The following EIF4E3 variants were observed in gnomAD, a reference collection of about 807,000 sequenced individuals.
EIF4E3 encodes the protein eukaryotic translation initiation factor 4E type 3.
EIF4E3 carries 26 observed loss-of-function variants against 31.7 expected under a neutral mutation model. The observed-to-expected ratio is 0.82, with a 90% CI of 0.60 to 1.14. The LOEUF (loss-of-function observed/expected upper bound fraction) is 1.14, where lower values mean the gene tolerates loss of function less well. Among genes scored for constraint, EIF4E3 ranks in the 50% most tolerant of loss-of-function variants. EIF4E3 has a pLI of 0.00. For synonymous variants in EIF4E3, 128 were observed against 107.7 expected (o/e 1.19, Z -1.17); for missense variants, 304 against 270.9 (o/e 1.12, Z -0.86).
intron 1 of EIF4E3, among the ~76,000 whole-genome samples, chr3:71,714,026 A>C (rs35897230): frequency 0.095 from 14,434 of 151,904 alleles, 724 homozygotes; most frequent in African/African-American, 0.11. Flanking sequence ...GCCTGGCCAA[A>C]ATGATGAAAT....
rs2049097511 is a variant in EIF4E3, at chr3:71,693,903, C to G, written c.444G>C (p.Gly148=). ...CTGCGGCACAGTCTGTGAACTGTTC[C>G]CCGATGGTTGCTAACAGCAACTCTT... ...VWKELLLATI[G]EQFTDCAAAD... Residue 148 remains glycine (G), a synonymous_variant, in exon 5 of 7, where the codon GGG becomes GGC. Transcript: ENST00000425534. The G allele has an allele frequency of 1.0e-5, 16 of 1,585,532 alleles. No individual in the cohort carries two copies. Among genetic ancestry groups the G allele is most frequent in the Non-Finnish European group, 1.3e-5 (15 of 1,165,710 alleles).
intron 1 of EIF4E3, among the ~76,000 whole-genome samples, chr3:71,713,594 A>G (rs1343366047): frequency 6.6e-6 from 1 of 151,978 alleles, no homozygotes; most frequent in East Asian, 1.9e-4. Context: ...ATGTCACCAC[A>G]GCCAGCTAAT....
At chr3:71,692,970 C>G (rs973710405) in intron 5 of EIF4E3, among the ~76,000 whole-genome samples, 3 of 152,150 alleles carry the variant, frequency 2.0e-5, no homozygotes, top group Non-Finnish European at 4.4e-5. Flanking sequence ...GAACTGCTCA[C>G]GAGATGAATC....
chr3:71,696,352 T>G, intron 4 of EIF4E3, 108 bp downstream of exon 4: 1 of 1,182,736 alleles, frequency 8.5e-7, no homozygotes, highest in Non-Finnish European at 1.2e-6. Context: ...CCAGCCTGTT[T>G]GGGGACTGCC....
chr3:71,699,729 CT>C (rs781443257), intron 2 of EIF4E3, 21 bp from the exon 3 acceptor site: 1 of 1,572,656 alleles, frequency 6.4e-7, no homozygotes, highest in East Asian at 2.2e-5. Flanking sequence ...AAAACAAACA[CT>C]TTGTTTAATA....
upstream of EIF4E3, chr3:71,754,337 G>A (rs1279450496): frequency 7.9e-7 from 1 of 1,273,336 alleles, no homozygotes; most frequent in Admixed American, 2.9e-5. The surrounding 1 kb of genome is among the most constrained non-coding windows in gnomAD (Gnocchi z 5.8). Context: ...TGGGCTGCAA[G>A]CTGCTCGCCT....
upstream of EIF4E3, among the ~76,000 whole-genome samples, chr3:71,729,842 T>TGTG (rs2049685718): frequency 1.7e-5 from 1 of 58,274 alleles, no homozygotes; most frequent in Non-Finnish European, 3.3e-5. Flanking sequence ...GTGTGTGTAT[T>TGTG]TAAGTGTTTG....
rs2048938851 is a variant in EIF4E3, at chr3:71,682,788, T to C, written c.*1894A>G. On this transcript the variant is annotated 3_prime_UTR_variant, in exon 7 of 7. Coordinates refer to ENST00000425534, the MANE Select transcript of EIF4E3 (RefSeq NM_001134651.2). ...GCTACATACATGCAAAAGTTGAACA[T>C]GTCATCACAAATGCTTTAAATAAAG... The C allele has an allele frequency of 6.6e-6, 1 of 152,590 alleles. No individual in the cohort carries two copies. The highest frequency in any genetic ancestry group is 1.5e-5 in the Non-Finnish European group (1 of 68,038). 9.5% of individuals were successfully genotyped at this position (152,590 alleles called of 1,614,324 possible).
chr3:71,734,401 C>T (rs2049740205), intron 1 of EIF4E3, among the ~76,000 whole-genome samples: 2 of 152,120 alleles, frequency 1.3e-5, no homozygotes, highest in Admixed American at 1.3e-4. Flanking sequence ...GTGAATTATC[C>T]TAAATTTGGG....
chr3:71,729,810 G>GTGTGTGTGTGTC (rs1297815425), upstream of EIF4E3, among the ~76,000 whole-genome samples: 2 of 136,578 alleles, frequency 1.5e-5, no homozygotes, highest in Non-Finnish European at 1.5e-5. Flanking sequence ...GTGTGTGTGT[G>GTGTGTGTGTGTC]TGTGTGTGTG....
chr3:71,674,957 T>C (rs190812261), downstream of EIF4E3, among the ~76,000 whole-genome samples: 4 of 152,330 alleles, frequency 2.6e-5, no homozygotes, highest in East Asian at 1.9e-4. Context: ...GCTCTTTGCA[T>C]TGCGTCAGTT....
chr3:71,666,562 GA>G, the EIF4E3 span, among the ~76,000 whole-genome samples: 2 of 150,944 alleles, frequency 1.3e-5, no homozygotes, highest in African/African-American at 4.9e-5. Context: ...CCAAACAATA[GA>G]AAAAAAGGGA....
At chr3:71,666,218 A>C in the EIF4E3 span, among the ~76,000 whole-genome samples, 3 of 151,624 alleles carry the variant, frequency 2.0e-5, no homozygotes, top group East Asian at 5.8e-4. Context: ...TAAAGAAGAA[A>C]AGAGAGAAGA....
rs539784169 is a variant in EIF4E3 at position 71,750,377 on chromosome 3, C to A, written c.-291+3086G>T. ...AAGATTTAAAGTGGAAGGTAGTGAC[C>A]TAGGAGTGGGAGGACCTGGGTTCTC... On this transcript the variant is annotated intron_variant, in intron 1 of 7. Transcript: ENST00000295612. 3.9e-5 allele frequency among the ~76,000 whole-genome samples: 6 copies of A among 152,216 alleles called. No individual in the cohort carries two copies. In the East Asian group the frequency reaches 1.2e-3, roughly 29 times the overall value.
At chr3:71,721,112 A>G (rs1274583741) in intron 1 of EIF4E3, among the ~76,000 whole-genome samples, 2 of 152,232 alleles carry the variant, frequency 1.3e-5, no homozygotes, top group Non-Finnish European at 1.5e-5. Context: ...GCTTTCAGAC[A>G]TGTGTCCAGA....
At chr3:71,718,892 G>A (rs1482450590) in intron 1 of EIF4E3, among the ~76,000 whole-genome samples, 3 of 152,148 alleles carry the variant, frequency 2.0e-5, no homozygotes, top group Non-Finnish European at 4.4e-5. Flanking sequence ...AGATTCAGGA[G>A]GGCAAGTGTG....
At chr3:71,695,778 C>T (rs1322296112) in intron 4 of EIF4E3, among the ~76,000 whole-genome samples, 2 of 152,186 alleles carry the variant, frequency 1.3e-5, no homozygotes, top group Non-Finnish European at 2.9e-5. Context: ...CTAGCACTTC[C>T]CCTTTGTCCA....
chr3:71,745,005 A>G (rs2049856856), intron 1 of EIF4E3, among the ~76,000 whole-genome samples: 1 of 152,202 alleles, frequency 6.6e-6, no homozygotes, highest in Non-Finnish European at 1.5e-5. Context: ...TTCTCTGAGA[A>G]ATGCAGCTGT....
intron 6 of EIF4E3, 124 bp from the exon 7 acceptor site, chr3:71,684,852 T>G: frequency 1.3e-6 from 1 of 778,170 alleles, no homozygotes. Flanking sequence ...TCAAACACCT[T>G]ATTTATTTAT....
Sources: allele counts gnomAD v4.1 joint callset (sites outside exome capture counted in the v4.1 genomes callset), GRCh38; gene constraint gnomAD v4.1.1; non-coding constraint Gnocchi (gnomAD v3.1); transcripts MANE v1.5; gene names NCBI Gene and HGNC (gene_info 2026-07-23, HGNC 2026-07-21).